Variants in HDAC9 observed in about 807,000 individuals in gnomAD.
HDAC9 encodes the protein histone deacetylase 9, also known as MEF-2 interacting transcription repressor (MITR) protein.
In HDAC9, 41 loss-of-function variants were observed where a neutral mutation model predicts 139.4. The ratio of observed to expected loss-of-function variants is 0.29; its 90% CI spans 0.23 to 0.38. The LOEUF is 0.38. Among genes scored for constraint, HDAC9 ranks in the 10% least tolerant of loss-of-function variants. HDAC9 has a pLI of 1.00. For missense variants in HDAC9, 1,147 were observed against 1,297.0 expected (o/e 0.88, Z 1.78); for synonymous variants, 517 against 476.2 (o/e 1.09, Z -1.12).
intron 7 of HDAC9, among the ~76,000 whole-genome samples, chr7:18,632,260 A>C (rs1782581953): frequency 6.6e-6 from 1 of 152,092 alleles, no homozygotes; most frequent in East Asian, 1.9e-4. Flanking sequence ...GCAGTGAGCA[A>C]AATGTGTTTA....
chr7:18,464,213 A>G (rs567775450), intron 1 of HDAC9, among the ~76,000 whole-genome samples: 2 of 151,990 alleles, frequency 1.3e-5, no homozygotes, highest in Non-Finnish European at 3.0e-5. Context: ...AACTTTCTAT[A>G]TCTTTATATT....
chr7:18,742,852 A>G (rs1787583411), intron 13 of HDAC9, among the ~76,000 whole-genome samples: 2 of 152,040 alleles, frequency 1.3e-5, no homozygotes, highest in South Asian at 4.1e-4. Context: ...CCTGTTTATC[A>G]TATCCAGTTT....
intron 17 of HDAC9, among the ~76,000 whole-genome samples, chr7:18,808,482 C>A (rs948069256): frequency 2.6e-5 from 4 of 151,828 alleles, no homozygotes; most frequent in Non-Finnish European, 5.9e-5. Flanking sequence ...TTATAGGATA[C>A]AAATCACATA....
At chr7:18,133,881 A>T (rs1785195762) in intron 1 of HDAC9, among the ~76,000 whole-genome samples, 2 of 151,246 alleles carry the variant, frequency 1.3e-5, no homozygotes, top group African/African-American at 4.9e-5. Flanking sequence ...GCTTGCAGTT[A>T]TTCTTTAAAA....
intron 17 of HDAC9, among the ~76,000 whole-genome samples, chr7:18,799,252 C>A (rs1320970015): frequency 6.6e-6 from 1 of 152,062 alleles, no homozygotes; most frequent in African/African-American, 2.4e-5. Flanking sequence ...ACAAAAGTCA[C>A]TAAGAAAATG....
chr7:18,245,512 C>T (rs772839160), intron 2 of HDAC9, among the ~76,000 whole-genome samples: 6 of 152,034 alleles, frequency 3.9e-5, no homozygotes, highest in East Asian at 1.9e-4. Context: ...GGCATGAACC[C>T]GGACTTTGAC....
rs181767940 is a variant in HDAC9, at chr7:18,703,959, A to T, written c.1732-23621A>T. Among the ~76,000 whole-genome samples the T allele has an allele frequency of 7.9e-5, 12 of 152,294 alleles. No homozygotes were observed. The East Asian group carries it at 1.7e-3, about 22-fold the overall frequency. On this transcript the variant is annotated intron_variant, in intron 12 of 25. Coordinates refer to ENST00000686413, the MANE Select transcript of HDAC9 (RefSeq NM_178425.4). ...CAAGCAGATCTTAGGCCAAGCCCTG[A>T]CCTTGTCCTGCCTTGACTAATGTGG...
intron 3 of HDAC9, among the ~76,000 whole-genome samples, chr7:18,589,686 A>C (rs1355647150): frequency 3.3e-5 from 5 of 152,204 alleles, no homozygotes; most frequent in Admixed American, 3.3e-4. Context: ...CAGTGTCTTT[A>C]ATCTAAAAGC....
At chr7:18,773,744 T>G (rs1423963545) in intron 16 of HDAC9, among the ~76,000 whole-genome samples, 2 of 152,020 alleles carry the variant, frequency 1.3e-5, no homozygotes, top group Non-Finnish European at 2.9e-5. Flanking sequence ...TGTAGCAGCC[T>G]GAAATACAGC....
chr7:18,142,955 G>A (rs1786020322), intron 1 of HDAC9, among the ~76,000 whole-genome samples: 1 of 152,142 alleles, frequency 6.6e-6, no homozygotes, highest in Non-Finnish European at 1.5e-5. Flanking sequence ...AGAAACCCTG[G>A]ACTTAGTTGT....
intron 2 of HDAC9, among the ~76,000 whole-genome samples, chr7:18,257,129 T>TGA (rs1795309663): frequency 6.6e-6 from 1 of 150,864 alleles, no homozygotes; most frequent in African/African-American, 2.4e-5. Context: ...TGTGTGTGTG[T>TGA]GTGTGTGTGT....
At chr7:18,143,846 G>A (rs1445792108) in intron 1 of HDAC9, among the ~76,000 whole-genome samples, 1 of 151,540 alleles carries the variant, frequency 6.6e-6, no homozygotes, top group Non-Finnish European at 1.5e-5. Context: ...TTGGTGCACA[G>A]TATGGCTGTG....
intron 22 of HDAC9, among the ~76,000 whole-genome samples, chr7:18,926,758 G>C (rs1227081356): frequency 1.3e-5 from 2 of 152,118 alleles, no homozygotes; most frequent in Non-Finnish European, 2.9e-5. Flanking sequence ...TGGCATTGAA[G>C]TATTCTGTTG....
chr7:18,176,030 G>A (rs1240697682), intron 2 of HDAC9, among the ~76,000 whole-genome samples: 2 of 152,172 alleles, frequency 1.3e-5, no homozygotes, highest in African/African-American at 4.8e-5. Context: ...AGTTCTGTGA[G>A]AGGGCAGATA....
chr7:18,437,553 TTA>T (rs938795008), intron 1 of HDAC9, among the ~76,000 whole-genome samples: 5 of 149,542 alleles, frequency 3.3e-5, no homozygotes, highest in South Asian at 2.1e-4. Flanking sequence ...AATCTGGAAA[TTA>T]TATATATATA....
chr7:18,164,959 C>T (rs1183388996), intron 2 of HDAC9, among the ~76,000 whole-genome samples: 2 of 152,100 alleles, frequency 1.3e-5, no homozygotes, highest in African/African-American at 2.4e-5. Flanking sequence ...CCAATAGGGA[C>T]ACAACAAGCA....
chr7:18,762,324 A>C (rs199971086), intron 15 of HDAC9, 47 bp downstream of exon 15: 2 of 1,598,516 alleles, frequency 1.3e-6, no homozygotes, highest in Non-Finnish European at 1.7e-6. Context: ...TTCCAGCACT[A>C]TCATTAGTCA....
intron 1 of HDAC9, among the ~76,000 whole-genome samples, chr7:18,399,609 A>C (rs1022570203): frequency 2.0e-5 from 3 of 152,192 alleles, no homozygotes; most frequent in African/African-American, 7.2e-5. Context: ...CATTCAAATA[A>C]ATATGCAAGG....
At chr7:18,592,051 C>T (rs1831145974) in intron 5 of HDAC9, among the ~76,000 whole-genome samples, 1 of 152,008 alleles carries the variant, frequency 6.6e-6, no homozygotes, top group Non-Finnish European at 1.5e-5. Flanking sequence ...AAAGGTTTAG[C>T]AGATTGTGAT....
Sources: allele counts gnomAD v4.1 joint callset (sites outside exome capture counted in the v4.1 genomes callset), GRCh38; gene constraint gnomAD v4.1.1; transcripts MANE v1.5; gene names NCBI Gene and HGNC (gene_info 2026-07-23, HGNC 2026-07-21).